The following UNKL variants were observed in gnomAD, a reference collection of about 807,000 sequenced individuals.
UNKL encodes putative E3 ubiquitin-protein ligase UNKL.
In UNKL, 60 loss-of-function variants were observed where a neutral mutation model predicts 78.0. The ratio of observed to expected loss-of-function variants is 0.77; its 90% confidence interval spans 0.63 to 0.95. UNKL has a LOEUF of 0.95. Among genes scored for constraint, UNKL ranks in the 40% least tolerant of loss-of-function variants. UNKL has a pLI of 0.00. For missense variants in UNKL, 1,159 were observed against 1,045.7 expected (o/e 1.11, Z -1.49); for synonymous variants, 608 against 474.8 (o/e 1.28, Z -3.65).
chr16:1,375,713 T>G (rs1252836512), intron 10 of UNKL, among the ~76,000 whole-genome samples: 1 of 152,164 alleles, frequency 6.6e-6, no homozygotes, highest in East Asian at 1.9e-4. Context: ...GAACCCACAG[T>G]AGCATCCGAA....
chr16:1,368,625 A>C (rs923138615), intron 12 of UNKL, among the ~76,000 whole-genome samples: 7 of 147,760 alleles, frequency 4.7e-5, no homozygotes, highest in African/African-American at 1.5e-4. Flanking sequence ...AAAAAAAAAA[A>C]AAAAAAAAAA....
At chr16:1,396,386 A>C (rs2037261466) in intron 6 of UNKL, among the ~76,000 whole-genome samples, 1 of 149,190 alleles carries the variant, frequency 6.7e-6, no homozygotes. Flanking sequence ...TCCCAAGTTC[A>C]AGTGCTCCTC....
chr16:1,387,695 G>A lies in UNKL; in HGVS notation c.1087-2310C>T, dbSNP rs747644150. Among the ~76,000 whole-genome samples, 8 of 152,092 alleles carry A rather than the reference G, an allele frequency of 5.3e-5. No homozygotes were observed. The highest frequency in any genetic ancestry group is 1.4e-4 in the African/African-American group (6 of 41,406). Reference sequence around the variant, plus strand: ...CCAAAAGCTCAGGATGGCAACGCACGGCCCTCCGGGGACGTGGACACTGCA... The same window carrying A: ...CCAAAAGCTCAGGATGGCAACGCACAGCCCTCCGGGGACGTGGACACTGCA... On this transcript the variant is annotated intron_variant, in intron 9 of 14. Transcript: ENST00000389221. This position sits in a 1 kb window ranked among gnomAD's most constrained non-coding sequence, Gnocchi z 4.1.
At chr16:1,398,190 A>G (rs2037360632) in intron 5 of UNKL, 1 of 594,150 alleles carries the variant, frequency 1.7e-6, no homozygotes. Context: ...ACTCCGCACC[A>G]ATTTCAAATT....
At chr16:1,385,057 C>A in intron 10 of UNKL, 151 bp downstream of exon 10, 1 of 645,014 alleles carries the variant, frequency 1.6e-6, no homozygotes, top group Non-Finnish European at 2.2e-6. Flanking sequence ...GCAACACAAC[C>A]AAAGTGACAG....
rs142152680 is a variant in UNKL at position 1,409,807 on chromosome 16, G to A, written c.287+4039C>T. On this transcript the variant is annotated intron_variant, in intron 2 of 14. Transcript: ENST00000389221. ...GCAACAAAAACTTATGAGGCCGGGC[G>A]CGGTGGCTCATGTCTGTAATCCCAG... is the stretch of plus-strand genomic sequence containing the variant. 1.9e-3 allele frequency among the ~76,000 whole-genome samples: 294 copies of A among 152,226 alleles called. 4 individuals carry two copies. Among genetic ancestry groups the A allele is most frequent in the African/African-American group, 6.6e-3 (274 of 41,542 alleles).
chr16:1,414,653 G>A lies in UNKL; in HGVS notation c.39C>T (p.Ser13=), dbSNP rs1210555743. Residue 13 remains serine (S), a synonymous_variant, in exon 1 of 15, where the codon AGC becomes AGT. Coordinates refer to ENST00000389221, the MANE Select transcript of UNKL (RefSeq NM_001372107.1). ...SVSKAAAAAL[S]GSPPQTEKPT... ...GCTTCTCAGTCTGCGGGGGGGACCC[G>A]CTCAGCGCCGCTGCCGCCGCTTTCG... 10 of 1,145,312 alleles carry A rather than the reference G, an allele frequency of 8.7e-6. No individual in the cohort carries two copies. The highest frequency in any genetic ancestry group is 1.7e-5 in the African/African-American group (1 of 59,496). 70.9% of individuals were successfully genotyped at this position (1,145,312 alleles called of 1,614,324 possible).
At position 1,386,779 on chromosome 16, in the gene UNKL, T is replaced by G. The variant is rs1332080105; in HGVS notation, c.1087-1394A>C. Among the ~76,000 whole-genome samples, 3 of 152,144 alleles carry G rather than the reference T, an allele frequency of 2.0e-5. No individual in the cohort carries two copies. The East Asian group carries it at 5.8e-4, about 29-fold the overall frequency. Reference sequence around the variant, plus strand: ...CCTGGCTTCTGTGACCTAAGGGTCCTGCTGCCTGCCCTGGCTTCCTTCTGG... The same window carrying G: ...CCTGGCTTCTGTGACCTAAGGGTCCGGCTGCCTGCCCTGGCTTCCTTCTGG... On this transcript the variant is annotated intron_variant, in intron 9 of 14. Coordinates refer to ENST00000389221, the MANE Select transcript of UNKL (RefSeq NM_001372107.1).
chr16:1,397,132 G>A, intron 6 of UNKL, 46 bp downstream of exon 6: 1 of 1,530,478 alleles, frequency 6.5e-7, no homozygotes, highest in Non-Finnish European at 8.8e-7. Flanking sequence ...CAGCTTCTCT[G>A]GGACCTTCCA....
At chr16:1,405,470 G>A (rs1254353337) in intron 2 of UNKL, among the ~76,000 whole-genome samples, 3 of 152,022 alleles carry the variant, frequency 2.0e-5, no homozygotes, top group Non-Finnish European at 2.9e-5. Context: ...CCAGCTACTC[G>A]GGAGGCTGAG....
At chr16:1,412,097 C>T (rs2038066874) in intron 2 of UNKL, 1 of 152,074 alleles carries the variant, frequency 6.6e-6, no homozygotes. Context: ...AGGAATGGAC[C>T]ACCCTCCGCC....
chr16:1,408,209 T>A (rs1302002238), intron 2 of UNKL, among the ~76,000 whole-genome samples: 2 of 152,094 alleles, frequency 1.3e-5, no homozygotes, highest in Non-Finnish European at 2.9e-5. Flanking sequence ...AGCAAGCGCC[T>A]GCCCCTCAGC....
chr16:1,372,306 G>C (rs1010195643), intron 10 of UNKL, among the ~76,000 whole-genome samples: 2 of 152,100 alleles, frequency 1.3e-5, no homozygotes, highest in Non-Finnish European at 2.9e-5. Flanking sequence ...TTTCTGTGAG[G>C]GTGATTTCAA....
At position 1,399,406 on chromosome 16, in the gene UNKL, G is replaced by A. The variant is rs2037415579; in HGVS notation, c.702C>T (p.Asp234=). ...GGAACCGCCGGGGGTTGCGCCGCCT[G>A]TCCCGGCTATTGTGGTAGTGTGGGC... The part of the protein sequence containing the change: ...YACPHYHNSR[D]RRRNPRRFQY... Residue 234 remains aspartate (D), a synonymous_variant, in exon 5 of 15, where the codon GAC becomes GAT. Transcript: ENST00000389221. The surrounding 1 kb of genome is among the most constrained non-coding windows in gnomAD (Gnocchi z 5.8). 1.9e-6 allele frequency: 3 copies of A among 1,604,206 alleles called. No individual in the cohort carries two copies. The highest frequency in any genetic ancestry group is 2.6e-6 in the Non-Finnish European group (3 of 1,175,546).
chr16:1,368,504 A>C (rs1336972624), intron 12 of UNKL, among the ~76,000 whole-genome samples: 4 of 144,686 alleles, frequency 2.8e-5, no homozygotes, highest in Admixed American at 7.2e-5. Flanking sequence ...CGGGAGGCTG[A>C]GGCAGGAGAA....
chr16:1,371,082 C>CAAAAAAAAAAAAAAAAA (rs764163064), intron 11 of UNKL, among the ~76,000 whole-genome samples: 2 of 67,972 alleles, frequency 2.9e-5, no homozygotes, highest in African/African-American at 8.8e-5. Flanking sequence ...GGCTCTGTCT[C>CAAAAAAAAAAAAAAAAA]AAAAAAAAAA....
chr16:1,399,088 G>A lies in UNKL; in HGVS notation c.734+286C>T, dbSNP rs760344425. ...CACACGGGGGTCCCAGCTGGGCTTG[G>A]GGTCCCTCCTGCAGTGCTCCGTCCC... is the stretch of plus-strand genomic sequence containing the variant. On this transcript the variant is annotated intron_variant, in intron 5 of 14. Coordinates refer to ENST00000389221, the MANE Select transcript of UNKL (RefSeq NM_001372107.1). This position sits in a 1 kb window ranked among gnomAD's most constrained non-coding sequence, Gnocchi z 5.8. The A allele has an allele frequency of 2.5e-5, 32 of 1,289,250 alleles. No homozygotes were observed. The highest frequency in any genetic ancestry group is 3.3e-5 in the Non-Finnish European group (32 of 966,926). 79.9% of individuals were successfully genotyped at this position (1,289,250 alleles called of 1,614,324 possible).
At chr16:1,372,826 G>A (rs1443057766) in intron 10 of UNKL, among the ~76,000 whole-genome samples, 36 of 151,016 alleles carry the variant, frequency 2.4e-4, no homozygotes, top group African/African-American at 8.3e-4. Context: ...GCAGCGTGGG[G>A]CACACCGCAC....
At chr16:1,388,549 G>A (rs565302851) in intron 9 of UNKL, among the ~76,000 whole-genome samples, 16 of 152,240 alleles carry the variant, frequency 1.1e-4, no homozygotes, top group Admixed American at 8.5e-4. Flanking sequence ...AGGGTGATGC[G>A]CACACTGTGA....
Sources: gnomAD v4.1 joint callset for allele counts (sites outside exome capture counted in the v4.1 genomes callset) on GRCh38, gnomAD v4.1.1 for gene constraint, Gnocchi (gnomAD v3.1) non-coding constraint, MANE v1.5 for transcripts, NCBI Gene and HGNC (gene_info 2026-07-23, HGNC 2026-07-21) for gene names.